The following MRPL27 variants were observed in gnomAD, a reference collection of about 807,000 sequenced individuals.
MRPL27 encodes large ribosomal subunit protein bL27m.
A neutral mutation model predicts 14.6 loss-of-function variants in MRPL27; 4 were observed. The ratio of observed to expected loss-of-function variants is 0.27; its 90% confidence interval spans 0.14 to 0.63. The LOEUF (loss-of-function observed/expected upper bound fraction) is 0.63. Ranked by LOEUF, MRPL27 falls within the 20% of genes least tolerant of loss-of-function variation. The probability of loss-of-function intolerance (pLI) is 0.85; values close to 1 mark genes in which losing one functional copy is unlikely to be tolerated. For missense variants in MRPL27, 196 were observed against 192.8 expected (o/e 1.02, Z -0.10); for synonymous variants, 82 against 75.5 (o/e 1.09, Z -0.45).
chr17:50,372,945 C>T lies in MRPL27; in HGVS notation c.40+186G>A, dbSNP rs1039469991. On this transcript the variant is annotated intron_variant, in intron 1 of 3. Coordinates refer to ENST00000225969, the MANE Select transcript of MRPL27 (RefSeq NM_016504.3). Reference sequence around the variant, plus strand: ...AAGACAAGTGCTCTTCAAACGCCCTCACTCACGGCTCCACCCAGGATGTGT... The same window carrying T: ...AAGACAAGTGCTCTTCAAACGCCCTTACTCACGGCTCCACCCAGGATGTGT... The T allele has an allele frequency of 7.7e-5, 58 of 754,600 alleles. No homozygotes were observed. The Admixed American group carries it at 1.6e-3, about 20-fold the overall frequency. 46.7% of individuals were successfully genotyped at this position (754,600 alleles called of 1,614,324 possible). A position where few individuals can be genotyped will look rare whatever the true frequency, so the allele number is the denominator to read the frequency against.
At chr17:50,368,746 G>A (rs1363231320) in intron 3 of MRPL27, 6 of 661,732 alleles carry the variant, frequency 9.1e-6, no homozygotes, top group South Asian at 1.7e-5. Flanking sequence ...AAGCTATATG[G>A]ATAATGCATA....
chr17:50,368,363 G>A, intron 3 of MRPL27, 65 bp from the exon 4 acceptor site: 1 of 1,534,074 alleles, frequency 6.5e-7, no homozygotes, highest in Non-Finnish European at 8.9e-7. Context: ...CAGAATTTTG[G>A]GACAGACTTC....
intron 1 of MRPL27, chr17:50,372,837 A>G (rs16948966): frequency 0.021 from 9,989 of 470,352 alleles, 885 homozygotes; most frequent in African/African-American, 0.18. Flanking sequence ...CAATATGCCA[A>G]TGTTACTAAT....
At position 50,367,937 on chromosome 17, in the gene MRPL27, G is replaced by A. The variant is rs1042644349; in HGVS notation, c.*155C>T. Reference sequence around the variant, plus strand: ...TGGCCCCAGGTCAGGTCTCCCAAAGGGTTTCCCAGCAGTCACTTCAGAGTC... The same window carrying A: ...TGGCCCCAGGTCAGGTCTCCCAAAGAGTTTCCCAGCAGTCACTTCAGAGTC... On this transcript the variant is annotated 3_prime_UTR_variant, in exon 4 of 4. Transcript: ENST00000225969. 3.5e-5 allele frequency: 28 copies of A among 805,218 alleles called. No homozygotes were observed. Among genetic ancestry groups the A allele is most frequent in the Admixed American group, 2.3e-4 (8 of 35,258 alleles). The allele number at this position is 805,218 out of a possible 1,614,324, so 49.9% of individuals were successfully genotyped here.
intron 3 of MRPL27, chr17:50,369,105 C>A (rs886311236): frequency 2.0e-6 from 1 of 496,170 alleles, no homozygotes; most frequent in Admixed American, 3.8e-5. Context: ...CAAGTTACTT[C>A]ACTGTGCCTC....
At chr17:50,371,308 T>C (rs558422074) in intron 1 of MRPL27, 1 of 152,406 alleles carries the variant, frequency 6.6e-6, no homozygotes, top group Admixed American at 6.5e-5. Flanking sequence ...CACCAAATAC[T>C]AGTAAACCAA....
intron 1 of MRPL27, 99 bp from the exon 2 acceptor site, chr17:50,370,685 G>T: frequency 6.6e-7 from 1 of 1,524,640 alleles, no homozygotes. Flanking sequence ...GGGGAGATGA[G>T]AAAGCTGTGT....
intron 2 of MRPL27, 72 bp downstream of exon 2, chr17:50,370,383 G>A: frequency 6.2e-7 from 1 of 1,604,150 alleles, no homozygotes; most frequent in Non-Finnish European, 8.5e-7. Flanking sequence ...GCACACGCAG[G>A]GTTCTTCTGC....
intron 1 of MRPL27, 87 bp from the exon 2 acceptor site, chr17:50,370,673 G>T: frequency 6.4e-7 from 1 of 1,570,638 alleles, no homozygotes; most frequent in Non-Finnish European, 8.7e-7. Flanking sequence ...GTGAGAGGCG[G>T]TGGGGAGATG....
intron 3 of MRPL27, chr17:50,368,875 G>T (rs1362209883): frequency 1.4e-6 from 1 of 702,404 alleles, no homozygotes; most frequent in South Asian, 1.5e-5. Flanking sequence ...CCACTTTTCA[G>T]ATGTGAAATA....
intron 2 of MRPL27, 159 bp downstream of exon 2, chr17:50,370,296 C>T (rs1913092152): frequency 7.8e-7 from 1 of 1,289,568 alleles, no homozygotes; most frequent in Non-Finnish European, 1.1e-6. Flanking sequence ...CACCCACCCA[C>T]TCGATGACCC....
At chr17:50,373,082 CCA>C (rs1913233662) in intron 1 of MRPL27, 47 bp downstream of exon 1, 1 of 1,612,584 alleles carries the variant, frequency 6.2e-7, no homozygotes, top group Non-Finnish European at 8.5e-7. Flanking sequence ...TGCTGGAGCT[CCA>C]CTCTGCCTCC....
chr17:50,369,164 C>G (rs184490655), intron 3 of MRPL27: 412 of 369,496 alleles, frequency 1.1e-3, no homozygotes, highest in Non-Finnish European at 1.7e-3. Flanking sequence ...TTTACAGGGT[C>G]ATTTTGAGGA....
Position 50,373,182 on chromosome 17 carries a change from C to T in MRPL27, c.-12G>A, listed in dbSNP as rs1177179937. ...ACCACCGACGCCATGCTTTCGATCA[C>T]TCACTTCCGGTCTCGAAAAGTTTCT... is the stretch of plus-strand genomic sequence containing the variant. On this transcript the variant is annotated 5_prime_UTR_variant, in exon 1 of 4. It adds an upstream start codon to the 5' untranslated region. Transcript: ENST00000225969. 1.2e-6 allele frequency: 2 copies of T among 1,607,430 alleles called. No individual in the cohort carries two copies. Among genetic ancestry groups the T allele is most frequent in the African/African-American group, 2.7e-5 (2 of 74,808 alleles).
At chr17:50,372,987 C>T in intron 1 of MRPL27, 144 bp downstream of exon 1, 6 of 1,157,176 alleles carry the variant, frequency 5.2e-6, no homozygotes, top group Non-Finnish European at 7.4e-6. Flanking sequence ...ACCAGCGACA[C>T]CGTCCCTCAA....
At chr17:50,369,882 G>A in intron 3 of MRPL27, 150 bp downstream of exon 3, 1 of 900,154 alleles carries the variant, frequency 1.1e-6, no homozygotes, top group Non-Finnish European at 1.8e-6. Flanking sequence ...GATGTGGTAA[G>A]GAAGAAATGA....
At chr17:50,369,399 G>C (rs959004819) in intron 3 of MRPL27, 4 of 155,774 alleles carry the variant, frequency 2.6e-5, no homozygotes, top group African/African-American at 9.7e-5. Flanking sequence ...AGGGGTGGGG[G>C]AGGGGAAACT....
intron 1 of MRPL27, 87 bp from the exon 2 acceptor site, chr17:50,370,673 G>A: frequency 6.4e-7 from 1 of 1,570,640 alleles, no homozygotes; most frequent in Non-Finnish European, 8.7e-7. Flanking sequence ...GTGAGAGGCG[G>A]TGGGGAGATG....
intron 1 of MRPL27, 57 bp from the exon 2 acceptor site, chr17:50,370,643 A>C: frequency 6.2e-7 from 1 of 1,608,442 alleles, no homozygotes; most frequent in East Asian, 2.2e-5. Flanking sequence ...TTTCTGCCTC[A>C]ATGGGCCACA....
Sources: gnomAD v4.1 joint callset for allele counts on GRCh38, gnomAD v4.1.1 for gene constraint, MANE v1.5 for transcripts, NCBI Gene and HGNC (gene_info 2026-07-23, HGNC 2026-07-21) for gene names.